TRAPPC10: variants seen among roughly 807,000 people sequenced by gnomAD.
The protein encoded by TRAPPC10 is trafficking protein particle complex subunit 10.
A neutral mutation model predicts 125.5 loss-of-function variants in TRAPPC10; 23 were observed. The observed-to-expected ratio is 0.18, with a 90% CI of 0.13 to 0.26. TRAPPC10 has a LOEUF of 0.26. Among genes scored for constraint, TRAPPC10 ranks in the 10% least tolerant of loss-of-function variants. TRAPPC10 has a pLI of 1.00. For synonymous variants in TRAPPC10, 509 were observed against 518.0 expected (o/e 0.98, Z 0.24); for missense variants, 1,123 against 1,308.4 (o/e 0.86, Z 2.19).
chr21:44,086,956 G>C lies in TRAPPC10; in HGVS notation c.2535G>C (p.Thr845=). 6.2e-7 allele frequency: 1 copy of C among 1,613,910 alleles called. No individual in the cohort carries two copies. The highest frequency in any genetic ancestry group is 1.1e-5 in the South Asian group (1 of 91,066). Residue 845 remains threonine (T), a synonymous_variant, in exon 16 of 23, where the codon ACG becomes ACC. Coordinates refer to ENST00000291574, the MANE Select transcript of TRAPPC10 (RefSeq NM_003274.5). The part of the protein sequence containing the change: ...AESRAVVYSN[T]REQSSEAALR... ...GCAGGGCTGTGGTCTACTCCAACAC[G>C]AGAGGTGAGGTGCCGCCCACCCAGG...
At position 44,074,419 on chromosome 21, in the gene TRAPPC10, C is replaced by T. The variant is rs776045087; in HGVS notation, c.1134C>T (p.Ile378=). ...AAGGCTGCTGTGACCGGGCACAGAT[C>T]GACTCAAACATTGCCCACACTGTGG... ...RIEGCCDRAQ[I]DSNIAHTVGL... is the part of the protein sequence containing the mutation. The change falls in exon 8 of 23, where the codon ATC becomes ATT. Residue 378 remains isoleucine (I), a synonymous_variant. Transcript: ENST00000291574. The T allele has an allele frequency of 9.9e-6, 16 of 1,614,070 alleles. No individual in the cohort carries two copies. Among genetic ancestry groups the T allele is most frequent in the African/African-American group, 6.7e-5 (5 of 74,916 alleles).
At position 44,082,874 on chromosome 21, in the gene TRAPPC10, G is replaced by T. The variant is rs1053342345; in HGVS notation, c.1810G>T (p.Gly604Cys). ...CTCCAATGCCGTGGTCCACGTGGGC[G>T]GCGTTTTGTGCGTTGAGATAACCAT... ...DPSNAVVHVG[G>C]VLCVEITMYS... The change falls in exon 14 of 23, where the codon GGC becomes TGC. Residue 604 changes from glycine to cysteine, a missense_variant. Physicochemically the swap from Gly to Cys is radical, Grantham distance 159. Around this residue, in one of 4 missense-constraint regions of TRAPPC10, gnomAD observed 840 missense variants for 902.0 expected, o/e 0.93. Coordinates refer to ENST00000291574, the MANE Select transcript of TRAPPC10 (RefSeq NM_003274.5). The surrounding 1 kb of genome is among the most constrained non-coding windows in gnomAD (Gnocchi z 4.4). 1 of 1,614,108 alleles carries T rather than the reference G, an allele frequency of 6.2e-7. No homozygotes were observed. The highest frequency in any genetic ancestry group is 1.7e-5 in the Admixed American group (1 of 60,014).
chr21:44,047,690 C>A (rs964645828), intron 3 of TRAPPC10, among the ~76,000 whole-genome samples: 1 of 152,062 alleles, frequency 6.6e-6, no homozygotes, highest in African/African-American at 2.4e-5. Flanking sequence ...TCGTGTTAAC[C>A]TTTTCTTCTG....
In TRAPPC10 at chr21:44,020,207, G is replaced by A. The variant is rs191911696; in HGVS notation, c.67+7647G>A. 6.0e-5 allele frequency among the ~76,000 whole-genome samples: 9 copies of A among 150,424 alleles called. No homozygotes were observed. In the East Asian group the frequency reaches 1.8e-3, roughly 29 times the overall value. On this transcript the variant is annotated intron_variant, in intron 1 of 22. Transcript: ENST00000291574. ...GTGATCTCGGCTTACTGCAAGCTCC[G>A]ACTCCGCCTCCTGGGTTCACGCTAT... is the stretch of plus-strand genomic sequence containing the variant.
In TRAPPC10 at chr21:44,067,338, G is replaced by A. The variant is rs905403103; in HGVS notation, c.1038+3553G>A. 9.8e-5 allele frequency among the ~76,000 whole-genome samples: 15 copies of A among 152,306 alleles called. No individual in the cohort carries two copies. In the East Asian group the frequency reaches 2.9e-3, roughly 29 times the overall value. On this transcript the variant is annotated intron_variant, in intron 7 of 22. Transcript: ENST00000291574. ...GGCAGAGGACAAAGGCAGAGATGTA[G>A]TGTGGGAATGTAGATTGTGTTTGCT...
intron 3 of TRAPPC10, among the ~76,000 whole-genome samples, chr21:44,047,568 G>GCA (rs1569165277): frequency 6.6e-6 from 1 of 151,246 alleles, no homozygotes; most frequent in African/African-American, 2.4e-5. Context: ...GTGTGTGTGC[G>GCA]CGCACACGCT....
intron 9 of TRAPPC10, 129 bp downstream of exon 9, chr21:44,075,282 T>C: frequency 1.5e-6 from 1 of 646,916 alleles, no homozygotes; most frequent in South Asian, 1.9e-5. Context: ...ATTATACCCA[T>C]TGTTAGCTGA....
chr21:44,034,545 C>T (rs927824741), intron 2 of TRAPPC10, among the ~76,000 whole-genome samples: 1 of 152,138 alleles, frequency 6.6e-6, no homozygotes, highest in African/African-American at 2.4e-5. Flanking sequence ...GAGAACTTAT[C>T]TCAGGAAAAT....
chr21:44,079,809 G>A (rs527488351), intron 12 of TRAPPC10, 105 bp downstream of exon 12: 1 of 1,300,458 alleles, frequency 7.7e-7, no homozygotes, highest in African/African-American at 1.5e-5. Context: ...GGAGAGAAAA[G>A]TCCTAACTTA....
chr21:44,077,075 G>A (rs185805588), intron 10 of TRAPPC10, among the ~76,000 whole-genome samples: 155 of 152,276 alleles, frequency 1.0e-3, no homozygotes, highest in Non-Finnish European at 1.8e-3. Flanking sequence ...TGGTCTGCCC[G>A]TAATGGCTGT....
chr21:44,067,959 A>G (rs1031622133), intron 7 of TRAPPC10, among the ~76,000 whole-genome samples: 2 of 152,026 alleles, frequency 1.3e-5, no homozygotes, highest in African/African-American at 4.8e-5. Flanking sequence ...GTCTCTACTA[A>G]AAATACAAAA....
chr21:44,060,773 A>G (rs764917714), intron 6 of TRAPPC10, among the ~76,000 whole-genome samples: 6 of 148,234 alleles, frequency 4.0e-5, no homozygotes, highest in Non-Finnish European at 8.9e-5. Flanking sequence ...GCTAATTTCT[A>G]TATTTTTAGT....
chr21:44,059,384 G>T lies in TRAPPC10; in HGVS notation c.790+170G>T, dbSNP rs2145888849. On this transcript the variant is annotated intron_variant, in intron 6 of 22. Coordinates refer to ENST00000291574, the MANE Select transcript of TRAPPC10 (RefSeq NM_003274.5). The surrounding 1 kb of genome is among the most constrained non-coding windows in gnomAD (Gnocchi z 4.4). Reference sequence around the variant, plus strand: ...GTGATTCCTAGAGGAAATGAAATGAGAATTAAGAATTAGTCATTTTCACTT... The same window carrying T: ...GTGATTCCTAGAGGAAATGAAATGATAATTAAGAATTAGTCATTTTCACTT... The T allele has an allele frequency of 1.4e-6, 1 of 697,180 alleles. No individual in the cohort carries two copies. The allele number at this position is 697,180 out of a possible 1,614,324, so 43.2% of individuals were successfully genotyped here.
At chr21:44,016,285 C>G (rs2031834378) in intron 1 of TRAPPC10, among the ~76,000 whole-genome samples, 1 of 152,196 alleles carries the variant, frequency 6.6e-6, no homozygotes, top group African/African-American at 2.4e-5. Context: ...ACTTGGGTTT[C>G]TGTTCCAAGG....
At chr21:44,034,027 G>T (rs1451774540) in intron 2 of TRAPPC10, among the ~76,000 whole-genome samples, 1 of 152,182 alleles carries the variant, frequency 6.6e-6, no homozygotes. Context: ...TAAAAAGGCA[G>T]ACGTGCATAA....
At chr21:44,036,904 A>G (rs947340901) in intron 2 of TRAPPC10, among the ~76,000 whole-genome samples, 1 of 152,244 alleles carries the variant, frequency 6.6e-6, no homozygotes, top group Non-Finnish European at 1.5e-5. Context: ...GAATAGAGAT[A>G]GATGATAAGA....
At chr21:44,057,463 A>G (rs2035691582) in intron 5 of TRAPPC10, among the ~76,000 whole-genome samples, 1 of 151,888 alleles carries the variant, frequency 6.6e-6, no homozygotes, top group South Asian at 2.1e-4. Context: ...ACGCCCAGCT[A>G]ATTTTTGTAT....
At chr21:44,061,238 G>A (rs980405149) in intron 6 of TRAPPC10, among the ~76,000 whole-genome samples, 3 of 152,168 alleles carry the variant, frequency 2.0e-5, no homozygotes, top group Non-Finnish European at 2.9e-5. Flanking sequence ...CCGGGTTCAC[G>A]CCATTCTCCT....
chr21:44,090,271 C>A (rs1212492928), intron 18 of TRAPPC10, among the ~76,000 whole-genome samples: 3 of 152,122 alleles, frequency 2.0e-5, no homozygotes, highest in Non-Finnish European at 4.4e-5. Flanking sequence ...CCTCTGGACG[C>A]CCGCCTTTCT....
Sources: gnomAD v4.1 joint callset for allele counts (sites outside exome capture counted in the v4.1 genomes callset) on GRCh38, gnomAD v4.1.1 for gene constraint, gnomAD v4.1.1 regional missense constraint, Gnocchi (gnomAD v3.1) non-coding constraint, MANE v1.5 for transcripts, NCBI Gene and HGNC (gene_info 2026-07-23, HGNC 2026-07-21) for gene names.